Variants in MKLN1 observed in about 807,000 individuals in gnomAD.
MKLN1 encodes muskelin 1.
Under a neutral mutation model 99.0 loss-of-function variants are expected in MKLN1, and 18 were observed. The ratio of observed to expected loss-of-function variants is 0.18; its 90% CI spans 0.13 to 0.27. The LOEUF (loss-of-function observed/expected upper bound fraction) is 0.27. MKLN1 is among the 10% of genes least tolerant of loss of function. The pLI, the probability that MKLN1 is intolerant of heterozygous loss-of-function variation, is 1.00. For synonymous variants in MKLN1, 288 were observed against 293.2 expected, an observed-to-expected ratio of 0.98 and a Z score of 0.18; for missense variants, 621 against 875.9, an observed-to-expected ratio of 0.71 and a Z score of 3.67.
At chr7:131,126,791 T>A (rs1452936718) in intron 1 of MKLN1, among the ~76,000 whole-genome samples, 1 of 152,150 alleles carries the variant, frequency 6.6e-6, no homozygotes, top group South Asian at 2.1e-4. Flanking sequence ...TGACCTCAGG[T>A]GATCCTCCTG....
At chr7:131,174,765 T>G (rs576334368) in intron 2 of MKLN1, among the ~76,000 whole-genome samples, 44 of 152,340 alleles carry the variant, frequency 2.9e-4, no homozygotes, top group African/African-American at 9.6e-4. Context: ...AATTGATAAT[T>G]CAAACCAGTA....
At chr7:131,420,466 G>GT (rs1372235506) in intron 8 of MKLN1, among the ~76,000 whole-genome samples, 1 of 152,114 alleles carries the variant, frequency 6.6e-6, no homozygotes, top group African/African-American at 2.4e-5. Context: ...TCTAAGATGG[G>GT]TACAACAAGA....
chr7:131,286,274 G>A (rs1584891542), intron 3 of MKLN1, among the ~76,000 whole-genome samples: 1 of 152,128 alleles, frequency 6.6e-6, no homozygotes, highest in African/African-American at 2.4e-5. Flanking sequence ...TAACATAGTA[G>A]TTCTTTGATA....
intron 1 of MKLN1, among the ~76,000 whole-genome samples, chr7:131,364,459 A>G (rs1447421935): frequency 6.6e-6 from 1 of 151,880 alleles, no homozygotes; most frequent in East Asian, 1.9e-4. Context: ...CTAATGTATA[A>G]GGACTTTGGT....
intron 1 of MKLN1, among the ~76,000 whole-genome samples, chr7:131,128,780 T>G (rs1795503342): frequency 6.6e-6 from 1 of 151,770 alleles, no homozygotes; most frequent in Non-Finnish European, 1.5e-5. Flanking sequence ...AATATTTTTT[T>G]TTAGAGATGG....
At chr7:131,246,130 CT>C (rs1797484041) in intron 3 of MKLN1, among the ~76,000 whole-genome samples, 1 of 152,208 alleles carries the variant, frequency 6.6e-6, no homozygotes, top group South Asian at 2.1e-4. Flanking sequence ...ACAGACCACA[CT>C]TTGAGTAGCA....
intron 3 of MKLN1, among the ~76,000 whole-genome samples, chr7:131,215,488 A>G (rs1238540290): frequency 6.6e-6 from 1 of 151,938 alleles, no homozygotes; most frequent in African/African-American, 2.4e-5. Flanking sequence ...GGGACTACAG[A>G]CAAACATCAC....
intron 1 of MKLN1, among the ~76,000 whole-genome samples, chr7:131,354,388 G>A (rs1207717020): frequency 6.6e-6 from 1 of 151,772 alleles, no homozygotes; most frequent in Non-Finnish European, 1.5e-5. Flanking sequence ...TAAAGCAACT[G>A]TAAATTGTTT....
chr7:131,237,229 C>A (rs1797336266), intron 3 of MKLN1, among the ~76,000 whole-genome samples: 1 of 152,158 alleles, frequency 6.6e-6, no homozygotes, highest in South Asian at 2.1e-4. Context: ...TGTACAGTTT[C>A]ATGTTGTTTG....
Position 131,178,142 on chromosome 7 carries a change from G to C in MKLN1, c.-296-24715G>C, listed in dbSNP as rs114207524. On this transcript the variant is annotated intron_variant, in intron 2 of 7. Coordinates refer to the MKLN1 transcript ENST00000416992. ...ACTGTTTTTTGGTTTTTGAGACGGA[G>C]TTTCGCTTTTGTCACCCAGGCTGAA... 1.0e-2 allele frequency among the ~76,000 whole-genome samples: 1,517 copies of C among 152,222 alleles called. 30 individuals carry two copies. Among genetic ancestry groups the C allele is most frequent in the African/African-American group, 0.034 (1,427 of 41,530 alleles).
intron 1 of MKLN1, among the ~76,000 whole-genome samples, chr7:131,360,779 T>C (rs902070014): frequency 1.9e-4 from 29 of 152,184 alleles, no homozygotes; most frequent in African/African-American, 7.0e-4. Flanking sequence ...TTGTAACCTA[T>C]ATAGCTGTTC....
intron 2 of MKLN1, among the ~76,000 whole-genome samples, chr7:131,170,626 C>T (rs1796201497): frequency 1.3e-5 from 2 of 152,186 alleles, no homozygotes; most frequent in Admixed American, 1.3e-4. Context: ...TCAGCCTGTG[C>T]TGTAAACCTC....
intron 1 of MKLN1, among the ~76,000 whole-genome samples, chr7:131,336,078 A>G (rs1799242243): frequency 6.6e-6 from 1 of 150,496 alleles, no homozygotes; most frequent in Non-Finnish European, 1.5e-5. Flanking sequence ...GTGGATTTGT[A>G]TATTTCTCCT....
intron 3 of MKLN1, among the ~76,000 whole-genome samples, chr7:131,311,605 G>A (rs779565449): frequency 3.9e-5 from 6 of 152,152 alleles, no homozygotes; most frequent in Non-Finnish European, 7.4e-5. Context: ...TTTAGAATTT[G>A]AAATTTGATT....
Position 131,438,015 on chromosome 7 carries a change from AT to A in MKLN1, c.1173+19del, listed in dbSNP as rs759104222. ...ATCATCAGGTTTGATGCACAGTTAA[AT>A]ATATGATGGAATTAATCAGTGCTTA... is the stretch of plus-strand genomic sequence containing the variant. On this transcript the variant is annotated intron_variant, in intron 10 of 17. Coordinates refer to ENST00000352689, the MANE Select transcript of MKLN1 (RefSeq NM_013255.5). 3.2e-6 allele frequency: 5 copies of A among 1,572,980 alleles called. No homozygotes were observed. In the South Asian group the frequency reaches 4.4e-5, roughly 14 times the overall value.
At chr7:131,165,546 A>G (rs535635320) in intron 2 of MKLN1, among the ~76,000 whole-genome samples, 1 of 152,142 alleles carries the variant, frequency 6.6e-6, no homozygotes. Flanking sequence ...GCAAAAATGT[A>G]CAGTAATAAA....
intron 10 of MKLN1, 125 bp downstream of exon 10, chr7:131,438,122 A>G (rs1469782638): frequency 6.9e-6 from 5 of 722,962 alleles, no homozygotes; most frequent in African/African-American, 1.8e-5. Flanking sequence ...ATCTATTGAC[A>G]GTAATAATTG....
chr7:131,129,588 T>G (rs188006052), intron 1 of MKLN1, among the ~76,000 whole-genome samples: 131 of 152,306 alleles, frequency 8.6e-4, no homozygotes, highest in Middle Eastern at 3.4e-3. Flanking sequence ...TTATTTATTA[T>G]TTAAAGACAG....
At chr7:131,158,784 G>A (rs1254096785) in intron 2 of MKLN1, among the ~76,000 whole-genome samples, 2 of 152,184 alleles carry the variant, frequency 1.3e-5, no homozygotes, top group African/African-American at 4.8e-5. Context: ...CATCCAGGCT[G>A]CCCAGTGCCA....
Sources: allele counts gnomAD v4.1 joint callset (sites outside exome capture counted in the v4.1 genomes callset), GRCh38; gene constraint gnomAD v4.1.1; transcripts MANE v1.5; gene names NCBI Gene and HGNC (gene_info 2026-07-23, HGNC 2026-07-21).